The following SLC44A5 variants were observed in gnomAD, a reference collection of about 807,000 sequenced individuals.
SLC44A5 encodes the protein choline transporter-like protein 5.
In SLC44A5, 57 loss-of-function variants were observed where a neutral mutation model predicts 101.8. The ratio of observed to expected loss-of-function variants is 0.56; its 90% confidence interval spans 0.45 to 0.70. SLC44A5 has a LOEUF of 0.70. Among genes scored for constraint, SLC44A5 ranks in the 30% least tolerant of loss-of-function variants. SLC44A5 has a pLI of 0.00. For synonymous variants in SLC44A5, 281 were observed against 290.9 expected, an observed-to-expected ratio of 0.97 and a Z score of 0.35; for missense variants, 737 against 853.1, an observed-to-expected ratio of 0.86 and a Z score of 1.70.
chr1:75,235,031 T>C (rs1363446290), intron 11 of SLC44A5, among the ~76,000 whole-genome samples: 2 of 152,092 alleles, frequency 1.3e-5, no homozygotes, highest in Non-Finnish European at 2.9e-5. Flanking sequence ...TCAAGTGTTA[T>C]CTTTTTATTA....
At chr1:75,286,496 C>G (rs145988302) in intron 5 of SLC44A5, among the ~76,000 whole-genome samples, 1 of 152,080 alleles carries the variant, frequency 6.6e-6, no homozygotes, top group Non-Finnish European at 1.5e-5. Flanking sequence ...AAGTGAGGTA[C>G]TATTCTATTC....
At chr1:75,465,816 C>A (rs1666782213) in intron 2 of SLC44A5, among the ~76,000 whole-genome samples, 1 of 151,978 alleles carries the variant, frequency 6.6e-6, no homozygotes, top group African/African-American at 2.4e-5. Flanking sequence ...TGCAAACTAC[C>A]AAGATTGAAC....
intron 3 of SLC44A5, among the ~76,000 whole-genome samples, chr1:75,386,092 A>G (rs1380696851): frequency 1.3e-5 from 2 of 151,858 alleles, no homozygotes; most frequent in Non-Finnish European, 2.9e-5. Flanking sequence ...ACAAACCCAC[A>G]GCCAATATCA....
At chr1:75,361,402 AG>A (rs1659479931) in intron 3 of SLC44A5, among the ~76,000 whole-genome samples, 1 of 152,042 alleles carries the variant, frequency 6.6e-6, no homozygotes, top group Non-Finnish European at 1.5e-5. Context: ...TTAGAGGAAA[AG>A]CTTTCAAGTT....
chr1:75,521,978 A>C (rs2101897022), intron 2 of SLC44A5: 1 of 152,504 alleles, frequency 6.6e-6, no homozygotes, highest in Middle Eastern at 3.2e-3. Context: ...CATACTCTGA[A>C]GAAATCCCAA....
intron 2 of SLC44A5, among the ~76,000 whole-genome samples, chr1:75,486,770 G>A (rs185373562): frequency 1.3e-4 from 20 of 152,260 alleles, no homozygotes; most frequent in East Asian, 3.9e-4. Context: ...AGCACACACC[G>A]ATGCAAGAGG....
At chr1:75,580,258 C>T (rs79623483) in intron 1 of SLC44A5, among the ~76,000 whole-genome samples, 6,699 of 152,156 alleles carry the variant, frequency 0.044, 176 homozygotes, top group East Asian at 0.1. Flanking sequence ...AAAAGCAAAA[C>T]TTTAAGTTGT....
Position 75,217,978 on chromosome 1 carries a change from G to T in SLC44A5, c.1530-18C>A. The T allele has an allele frequency of 6.7e-7, 1 of 1,487,744 alleles. No homozygotes were observed. Among genetic ancestry groups the T allele is most frequent in the African/African-American group, 1.4e-5 (1 of 72,060 alleles). The allele number at this position is 1,487,744 out of a possible 1,614,324, so 92.2% of individuals were successfully genotyped here. A position where few individuals can be genotyped will look rare whatever the true frequency, so the allele number is the denominator to read the frequency against. On this transcript the variant is annotated intron_variant, in intron 17 of 23. Coordinates refer to ENST00000370859, the MANE Select transcript of SLC44A5 (RefSeq NM_001130058.2). ...TGTGATATCTGCACAAAAATAAAAT[G>T]AGAATAAGTTAAAACTTAATACTAT...
At chr1:75,283,462 T>C (rs1400569758) in intron 5 of SLC44A5, among the ~76,000 whole-genome samples, 4 of 152,206 alleles carry the variant, frequency 2.6e-5, no homozygotes, top group African/African-American at 7.2e-5. Flanking sequence ...CTGTTTACTC[T>C]GCTGATTATT....
intron 6 of SLC44A5, among the ~76,000 whole-genome samples, chr1:75,258,778 T>C (rs1307801054): frequency 6.6e-6 from 1 of 152,012 alleles, no homozygotes; most frequent in Non-Finnish European, 1.5e-5. Flanking sequence ...ACAGGAGAGC[T>C]CTGGCTGGCA....
At chr1:75,623,092 T>C in the SLC44A5 span, among the ~76,000 whole-genome samples, 8 of 152,306 alleles carry the variant, frequency 5.3e-5, no homozygotes, top group South Asian at 1.0e-3. Context: ...TTTAAGTGAT[T>C]GGTTATATAA....
chr1:75,526,187 G>A (rs1670398072), intron 2 of SLC44A5, among the ~76,000 whole-genome samples: 2 of 152,042 alleles, frequency 1.3e-5, no homozygotes, highest in South Asian at 4.1e-4. Context: ...ATATATTTCA[G>A]TTTCCGTCCC....
intron 5 of SLC44A5, among the ~76,000 whole-genome samples, chr1:75,296,078 T>C (rs1335153146): frequency 2.0e-5 from 3 of 152,170 alleles, no homozygotes; most frequent in Non-Finnish European, 4.4e-5. Context: ...TATGTAAACT[T>C]CTTTCTTTCT....
chr1:75,309,660 A>C (rs1380803315), intron 4 of SLC44A5, among the ~76,000 whole-genome samples: 1 of 152,198 alleles, frequency 6.6e-6, no homozygotes, highest in Non-Finnish European at 1.5e-5. Context: ...AAAATTAACA[A>C]ATCTGTGAAA....
chr1:75,526,215 C>A (rs1370457220), intron 2 of SLC44A5, among the ~76,000 whole-genome samples: 3 of 152,166 alleles, frequency 2.0e-5, no homozygotes, highest in Non-Finnish European at 4.4e-5. Flanking sequence ...ACAGACAGTA[C>A]CACCTTCTTC....
chr1:75,208,300 A>T (rs1646787212), intron 23 of SLC44A5, among the ~76,000 whole-genome samples: 1 of 152,088 alleles, frequency 6.6e-6, no homozygotes, highest in South Asian at 2.1e-4. Flanking sequence ...CTGGGATTAT[A>T]GGTACCTGCC....
At chr1:75,636,190 T>C in the SLC44A5 span, among the ~76,000 whole-genome samples, 1 of 152,054 alleles carries the variant, frequency 6.6e-6, no homozygotes, top group Admixed American at 6.6e-5. Flanking sequence ...TGTGTCTGGC[T>C]TGTGAAACTT....
the SLC44A5 span, chr1:75,710,059 CA>C: frequency 6.6e-6 from 1 of 152,016 alleles, no homozygotes; most frequent in Non-Finnish European, 1.5e-5. Context: ...TCTACAGTGA[CA>C]GAAGCAGATC....
chr1:75,271,571 GCTTT>G (rs1651482827), intron 6 of SLC44A5, among the ~76,000 whole-genome samples: 1 of 149,450 alleles, frequency 6.7e-6, no homozygotes, highest in African/African-American at 2.5e-5. Context: ...ACAGTATTTG[GCTTT>G]CTATTCCTGA....
Sources: allele counts gnomAD v4.1 joint callset (sites outside exome capture counted in the v4.1 genomes callset), GRCh38; gene constraint gnomAD v4.1.1; transcripts MANE v1.5; gene names NCBI Gene and HGNC (gene_info 2026-07-23, HGNC 2026-07-21).